Variants in WASF1 observed in about 807,000 individuals in gnomAD.
The protein encoded by WASF1 is actin-binding protein WASF1.
A neutral mutation model predicts 50.5 loss-of-function variants in WASF1; 7 were observed. The observed-to-expected ratio is 0.14, with a 90% confidence interval of 0.08 to 0.26. The LOEUF is 0.26. Ranked by LOEUF, WASF1 falls within the 10% of genes least tolerant of loss-of-function variation. WASF1 has a pLI of 1.00. For missense variants in WASF1, 470 were observed against 694.7 expected (o/e 0.68, Z 3.64); for synonymous variants, 205 against 244.0 (o/e 0.84, Z 1.49).
At chr6:110,118,002 T>A (rs1056879002) in intron 4 of WASF1, among the ~76,000 whole-genome samples, 9 of 151,728 alleles carry the variant, frequency 5.9e-5, no homozygotes, top group Non-Finnish European at 1.3e-4. Flanking sequence ...TTACAAGAAC[T>A]CCTGAAGGAA....
intron 4 of WASF1, among the ~76,000 whole-genome samples, chr6:110,115,627 T>G (rs936033324): frequency 1.3e-5 from 2 of 152,152 alleles, no homozygotes; most frequent in African/African-American, 4.8e-5. Flanking sequence ...AGGCTCTAGA[T>G]CATAAGGACA....
At chr6:110,144,314 G>T (rs918252583) in intron 3 of WASF1, among the ~76,000 whole-genome samples, 1 of 152,022 alleles carries the variant, frequency 6.6e-6, no homozygotes, top group Non-Finnish European at 1.5e-5. Flanking sequence ...GGGGTTGTTT[G>T]TTTTTTTCTT....
At chr6:110,124,235 CCTCTCTCTCTCT>C (rs10684587) in intron 4 of WASF1, among the ~76,000 whole-genome samples, 1 of 11,026 alleles carries the variant, frequency 9.1e-5, no homozygotes, top group Non-Finnish European at 1.6e-4. Flanking sequence ...TCCTCTCTCT[CCTCTCTCTCTCT>C]CTCTCTCTCT....
At chr6:110,176,497 A>C (rs1483126932) in intron 2 of WASF1, among the ~76,000 whole-genome samples, 2 of 152,102 alleles carry the variant, frequency 1.3e-5, no homozygotes, top group Non-Finnish European at 2.9e-5. Flanking sequence ...AATGGAGTTC[A>C]AAGAACCTTG....
chr6:110,119,254 G>A (rs1773968069), intron 4 of WASF1, among the ~76,000 whole-genome samples: 1 of 152,008 alleles, frequency 6.6e-6, no homozygotes, highest in African/African-American at 2.4e-5. Context: ...ACCAGGAGCT[G>A]TTTTTTTGAA....
At chr6:110,117,838 A>G (rs1286885255) in intron 4 of WASF1, among the ~76,000 whole-genome samples, 1 of 152,170 alleles carries the variant, frequency 6.6e-6, no homozygotes, top group Admixed American at 6.5e-5. Flanking sequence ...TACAAGCCAG[A>G]AGAGAGTGGG....
intron 5 of WASF1, among the ~76,000 whole-genome samples, chr6:110,111,707 C>T: frequency 6.6e-6 from 1 of 152,004 alleles, no homozygotes; most frequent in East Asian, 1.9e-4. Context: ...ACAGACAGAT[C>T]CATACAGACA....
chr6:110,138,082 A>G (rs1775050425), intron 3 of WASF1, among the ~76,000 whole-genome samples: 1 of 152,252 alleles, frequency 6.6e-6, no homozygotes, highest in African/African-American at 2.4e-5. Flanking sequence ...TGAGCCAGGC[A>G]CGGAGTGGCA....
intron 3 of WASF1, among the ~76,000 whole-genome samples, chr6:110,131,362 A>T (rs1164442490): frequency 6.6e-6 from 1 of 152,152 alleles, no homozygotes; most frequent in East Asian, 1.9e-4. Flanking sequence ...ATATTATTTC[A>T]GCACCACTCA....
intron 2 of WASF1, among the ~76,000 whole-genome samples, chr6:110,169,602 C>T (rs1562191294): frequency 6.6e-6 from 1 of 152,140 alleles, no homozygotes; most frequent in Non-Finnish European, 1.5e-5. Flanking sequence ...GAAATCAGTC[C>T]CCAACACTCA....
At chr6:110,119,890 G>A (rs938363056) in intron 4 of WASF1, among the ~76,000 whole-genome samples, 4 of 152,094 alleles carry the variant, frequency 2.6e-5, no homozygotes, top group African/African-American at 9.7e-5. Flanking sequence ...TTCAACATAT[G>A]CAAATCAATA....
At chr6:110,170,260 T>C (rs983867537) in intron 2 of WASF1, among the ~76,000 whole-genome samples, 1 of 152,090 alleles carries the variant, frequency 6.6e-6, no homozygotes, top group Admixed American at 6.6e-5. Context: ...GTTCCTTCCA[T>C]CACTCAGACC....
At chr6:110,115,360 C>T (rs1398073453) in intron 4 of WASF1, among the ~76,000 whole-genome samples, 2 of 151,950 alleles carry the variant, frequency 1.3e-5, no homozygotes, top group East Asian at 3.9e-4. Flanking sequence ...AGCTGCTAAC[C>T]TCAAACCTTG....
intron 2 of WASF1, among the ~76,000 whole-genome samples, chr6:110,170,424 G>A (rs568235175): frequency 1.2e-4 from 18 of 152,082 alleles, no homozygotes; most frequent in African/African-American, 4.3e-4. Flanking sequence ...AGGTTTCACT[G>A]TGTTGCCCAG....
intron 3 of WASF1, among the ~76,000 whole-genome samples, chr6:110,139,199 C>T (rs1348614031): frequency 1.3e-5 from 2 of 152,192 alleles, no homozygotes; most frequent in Non-Finnish European, 2.9e-5. Flanking sequence ...GTGCCGGGAT[C>T]GGGGAGAGAC....
At chr6:110,123,308 C>G (rs896491065) in intron 4 of WASF1, among the ~76,000 whole-genome samples, 3 of 151,796 alleles carry the variant, frequency 2.0e-5, no homozygotes, top group Admixed American at 6.6e-5. Flanking sequence ...TTTAGGAGAT[C>G]TTTTACACCC....
intron 4 of WASF1, among the ~76,000 whole-genome samples, chr6:110,123,781 G>T (rs1032429964): frequency 3.3e-5 from 5 of 152,084 alleles, no homozygotes; most frequent in Admixed American, 3.3e-4. Context: ...CCAAATGGAA[G>T]AAAAAGCAGG....
chr6:110,179,142 C>G (rs1777083672), intron 1 of WASF1, among the ~76,000 whole-genome samples: 1 of 152,210 alleles, frequency 6.6e-6, no homozygotes, highest in South Asian at 2.1e-4. Flanking sequence ...GGCGGTGGCA[C>G]CTCAGGTGAC....
intron 10 of WASF1, among the ~76,000 whole-genome samples, chr6:110,100,969 T>C (rs1455792372): frequency 6.6e-6 from 1 of 152,192 alleles, no homozygotes; most frequent in Non-Finnish European, 1.5e-5. Context: ...AATGAGGTGG[T>C]ACATTTCTTC....
Sources: gnomAD v4.1 joint callset for allele counts (sites outside exome capture counted in the v4.1 genomes callset) on GRCh38, gnomAD v4.1.1 for gene constraint, MANE v1.5 for transcripts, NCBI Gene and HGNC (gene_info 2026-07-23, HGNC 2026-07-21) for gene names.